Variants in ENTREP2 observed in about 807,000 individuals in gnomAD.
ENTREP2 encodes endosomal transmembrane epsin interactor 2.
At chr15:29,405,284 G>A in the ENTREP2 span, among the ~76,000 whole-genome samples, 1 of 151,926 alleles carries the variant, frequency 6.6e-6, no homozygotes, top group African/African-American at 2.4e-5. Flanking sequence ...AGCTACTCAG[G>A]AGGCTGAGGC....
the ENTREP2 span, among the ~76,000 whole-genome samples, chr15:29,540,250 G>A: frequency 3.9e-5 from 6 of 152,166 alleles, no homozygotes; most frequent in Middle Eastern, 3.4e-3. Flanking sequence ...TGTTAGGTAC[G>A]TTTCAACTCT....
the ENTREP2 span, among the ~76,000 whole-genome samples, chr15:29,362,448 C>T: frequency 1.4e-5 from 2 of 142,518 alleles, no homozygotes; most frequent in African/African-American, 2.6e-5. Context: ...GATCTCGGCT[C>T]ACTGCAACTT....
At chr15:29,404,420 G>A in the ENTREP2 span, among the ~76,000 whole-genome samples, 14 of 151,888 alleles carry the variant, frequency 9.2e-5, no homozygotes, top group East Asian at 2.5e-3. Context: ...TCCCCTCACT[G>A]GCACAGGCAG....
the ENTREP2 span, among the ~76,000 whole-genome samples, chr15:29,146,086 A>G: frequency 6.6e-6 from 1 of 152,236 alleles, no homozygotes; most frequent in Admixed American, 6.5e-5. Flanking sequence ...TAAGATACTC[A>G]GGAATAAATT....
chr15:29,153,333 A>C, the ENTREP2 span, among the ~76,000 whole-genome samples: 4 of 152,226 alleles, frequency 2.6e-5, no homozygotes, highest in Non-Finnish European at 4.4e-5. Context: ...CTCTAACAAC[A>C]GTCACTTCTC....
At chr15:29,663,320 G>A in the ENTREP2 span, among the ~76,000 whole-genome samples, 1 of 151,908 alleles carries the variant, frequency 6.6e-6, no homozygotes, top group East Asian at 2.0e-4. Context: ...AGGAGTTCGA[G>A]ACCAGCCTGA....
chr15:29,142,323 T>C, the ENTREP2 span, among the ~76,000 whole-genome samples: 1 of 152,246 alleles, frequency 6.6e-6, no homozygotes, highest in Non-Finnish European at 1.5e-5. Flanking sequence ...TTAGCATATC[T>C]GACGTCAAAG....
chr15:29,518,582 G>A, the ENTREP2 span, among the ~76,000 whole-genome samples: 14 of 152,160 alleles, frequency 9.2e-5, no homozygotes, highest in African/African-American at 3.4e-4. Context: ...CAACCCAGAG[G>A]ACTGCAGGCA....
chr15:29,414,971 G>A, the ENTREP2 span, among the ~76,000 whole-genome samples: 7 of 152,104 alleles, frequency 4.6e-5, no homozygotes, highest in Non-Finnish European at 1.0e-4. Flanking sequence ...TCTCTGAATA[G>A]ACAAATAATA....
chr15:29,119,226 C>T, the ENTREP2 span, among the ~76,000 whole-genome samples: 3 of 152,162 alleles, frequency 2.0e-5, no homozygotes, highest in African/African-American at 4.8e-5. Flanking sequence ...CAGAGAGCTG[C>T]GTATATGCCG....
At chr15:29,408,891 C>G in the ENTREP2 span, among the ~76,000 whole-genome samples, 1 of 152,212 alleles carries the variant, frequency 6.6e-6, no homozygotes, top group East Asian at 1.9e-4. Context: ...AATTACAAAC[C>G]ATGACATTTT....
At chr15:29,417,658 AAAT>A in the ENTREP2 span, among the ~76,000 whole-genome samples, 3 of 151,784 alleles carry the variant, frequency 2.0e-5, no homozygotes, top group Middle Eastern at 3.4e-3. Context: ...ATAAAATTTA[AAAT>A]AATAATAATA....
the ENTREP2 span, among the ~76,000 whole-genome samples, chr15:29,423,154 C>T: frequency 6.6e-6 from 1 of 152,152 alleles, no homozygotes; most frequent in African/African-American, 2.4e-5. Context: ...TGCTTCAACC[C>T]TGAATAACCC....
At chr15:29,196,486 T>G in the ENTREP2 span, 8 of 1,551,676 alleles carry the variant, frequency 5.2e-6, no homozygotes, top group Non-Finnish European at 7.0e-6. Flanking sequence ...AGCTTCAGCG[T>G]CTCCCCGAGG....
At chr15:29,236,386 CT>C in the ENTREP2 span, among the ~76,000 whole-genome samples, 1 of 152,136 alleles carries the variant, frequency 6.6e-6, no homozygotes, top group Non-Finnish European at 1.5e-5. Flanking sequence ...TGGCTCATTC[CT>C]GTAATCCTAG....
chr15:29,571,862 T>TA, the ENTREP2 span, among the ~76,000 whole-genome samples: 4 of 152,058 alleles, frequency 2.6e-5, no homozygotes, highest in African/African-American at 9.7e-5. Flanking sequence ...ATTGACAGAT[T>TA]AAGAGATCAC....
the ENTREP2 span, among the ~76,000 whole-genome samples, chr15:29,569,256 G>A: frequency 2.0e-5 from 3 of 152,022 alleles, no homozygotes; most frequent in Non-Finnish European, 4.4e-5. Flanking sequence ...TCTAAAATAC[G>A]CTTCGAAAAT....
chr15:29,381,717 A>C, the ENTREP2 span: 1 of 1,425,542 alleles, frequency 7.0e-7, no homozygotes, highest in Non-Finnish European at 9.6e-7. Context: ...CAACCTGCTC[A>C]CGCATCTGAA....
chr15:29,509,314 T>C, the ENTREP2 span, among the ~76,000 whole-genome samples: 1 of 152,048 alleles, frequency 6.6e-6, no homozygotes, highest in Non-Finnish European at 1.5e-5. Context: ...ATCATGAAAA[T>C]GGCCATTTTG....
Sources: gnomAD v4.1 joint callset for allele counts (sites outside exome capture counted in the v4.1 genomes callset) on GRCh38, gnomAD v4.1.1 for gene constraint, MANE v1.5 for transcripts, NCBI Gene and HGNC (gene_info 2026-07-23, HGNC 2026-07-21) for gene names.